KAZN: variants seen among roughly 807,000 people sequenced by gnomAD.
The protein encoded by KAZN is kazrin, periplakin interacting protein, also known as kazrin.
A neutral mutation model predicts 87.4 loss-of-function variants in KAZN; 40 were observed. The observed-to-expected ratio is 0.46, with a 90% CI of 0.36 to 0.60. The LOEUF is 0.60. Ranked by LOEUF, KAZN falls within the 20% of genes least tolerant of loss-of-function variation. The pLI is 0.00. For synonymous variants in KAZN, 466 were observed against 458.3 expected (o/e 1.02, Z -0.22); for missense variants, 898 against 1,073.9 (o/e 0.84, Z 2.29).
chr1:14,967,092 A>ACGGTGAACT (rs1664541116), intron 2 of KAZN, among the ~76,000 whole-genome samples: 1 of 152,238 alleles, frequency 6.6e-6, no homozygotes, highest in Non-Finnish European at 1.5e-5. Flanking sequence ...GGCGATGGTC[A>ACGGTGAACT]CGGTGAACTC....
At chr1:14,411,469 A>AT (rs1417741711) in intron 2 of KAZN, among the ~76,000 whole-genome samples, 7 of 152,178 alleles carry the variant, frequency 4.6e-5, no homozygotes, top group African/African-American at 1.7e-4. Context: ...TAATTTTTGT[A>AT]TTTTTTAATA....
At chr1:14,606,469 T>G (rs1677367764) in intron 1 of KAZN, among the ~76,000 whole-genome samples, 1 of 152,154 alleles carries the variant, frequency 6.6e-6, no homozygotes, top group Non-Finnish European at 1.5e-5. Flanking sequence ...CACTTATCAC[T>G]AATAAAAAGG....
chr1:15,048,817 G>A (rs1392709207), intron 4 of KAZN, among the ~76,000 whole-genome samples: 28 of 150,358 alleles, frequency 1.9e-4, no homozygotes, highest in Non-Finnish European at 1.2e-4. Context: ...GTTGGTCCTG[G>A]GTTGTTGGTG....
chr1:14,850,991 C>T (rs886783321), intron 1 of KAZN, among the ~76,000 whole-genome samples: 1 of 152,232 alleles, frequency 6.6e-6, no homozygotes, highest in African/African-American at 2.4e-5. Flanking sequence ...CCACTCTGTC[C>T]TCCAGGCCCT....
At chr1:15,086,213 C>T (rs1640247907) in intron 8 of KAZN, among the ~76,000 whole-genome samples, 1 of 152,120 alleles carries the variant, frequency 6.6e-6, no homozygotes, top group Non-Finnish European at 1.5e-5. Context: ...TCAGGTAATC[C>T]ACCTGCCTCG....
intron 1 of KAZN, among the ~76,000 whole-genome samples, chr1:14,926,162 C>T (rs990877711): frequency 6.6e-6 from 1 of 152,190 alleles, no homozygotes; most frequent in Non-Finnish European, 1.5e-5. Flanking sequence ...TTGTGGCGCT[C>T]TCTGCTCCAT....
intron 2 of KAZN, among the ~76,000 whole-genome samples, chr1:14,472,102 G>A (rs1250743063): frequency 6.6e-6 from 1 of 152,130 alleles, no homozygotes; most frequent in Non-Finnish European, 1.5e-5. Context: ...ATGGCAGAAG[G>A]GTGAACAAGA....
intron 1 of KAZN, among the ~76,000 whole-genome samples, chr1:13,942,539 T>A (rs71510952): frequency 1.1e-5 from 1 of 87,748 alleles, no homozygotes; most frequent in Non-Finnish European, 2.0e-5. Context: ...AGAGCGAGAC[T>A]CCGTCTCAAA....
chr1:14,082,767 G>A (rs1418395774), intron 1 of KAZN, among the ~76,000 whole-genome samples: 1 of 152,116 alleles, frequency 6.6e-6, no homozygotes, highest in Non-Finnish European at 1.5e-5. Flanking sequence ...CTTTGTACCT[G>A]TATTTCTCAT....
intron 2 of KAZN, among the ~76,000 whole-genome samples, chr1:14,330,790 A>G (rs1367923500): frequency 6.6e-6 from 1 of 152,240 alleles, no homozygotes; most frequent in African/African-American, 2.4e-5. Flanking sequence ...TGCTACACAC[A>G]TACATAGGAA....
chr1:14,560,725 A>T (rs1381432482), intron 2 of KAZN, among the ~76,000 whole-genome samples: 1 of 152,122 alleles, frequency 6.6e-6, no homozygotes, highest in East Asian at 1.9e-4. Context: ...GATAATGATG[A>T]TGTGAAGAAG....
At chr1:14,994,865 T>C (rs115766633) in intron 2 of KAZN, among the ~76,000 whole-genome samples, 1,642 of 152,348 alleles carry the variant, frequency 0.011, 21 homozygotes, top group African/African-American at 0.036. Flanking sequence ...AGCCAGTTCC[T>C]CTGGAGAGAA....
intron 1 of KAZN, chr1:14,924,236 G>A: frequency 1.0e-6 from 1 of 981,798 alleles, no homozygotes. Flanking sequence ...GCGCGCCGCC[G>A]GCCGGGCGGG....
At chr1:14,373,871 A>G (rs1660698847) in intron 2 of KAZN, among the ~76,000 whole-genome samples, 1 of 152,212 alleles carries the variant, frequency 6.6e-6, no homozygotes, top group Non-Finnish European at 1.5e-5. Context: ...GTAATTTGCT[A>G]GGGATTTGGT....
intron 1 of KAZN, among the ~76,000 whole-genome samples, chr1:14,665,577 G>A (rs983231492): frequency 6.6e-6 from 1 of 152,154 alleles, no homozygotes; most frequent in African/African-American, 2.4e-5. Context: ...TAGTGGCGTG[G>A]TTGAGGGCAC....
chr1:14,251,090 C>T (rs774308642), intron 2 of KAZN, among the ~76,000 whole-genome samples: 9 of 152,156 alleles, frequency 5.9e-5, no homozygotes, highest in Middle Eastern at 3.2e-3. Context: ...GGAACTGAAA[C>T]TATGTAATCT....
At chr1:14,945,011 G>A (rs1010034887) in intron 1 of KAZN, among the ~76,000 whole-genome samples, 14 of 152,172 alleles carry the variant, frequency 9.2e-5, no homozygotes, top group African/African-American at 2.4e-4. Flanking sequence ...ACAAAGTACC[G>A]CAGGGGACAG....
intron 1 of KAZN, among the ~76,000 whole-genome samples, chr1:14,170,951 A>G (rs1645942625): frequency 1.3e-5 from 2 of 152,138 alleles, no homozygotes; most frequent in Non-Finnish European, 2.9e-5. Context: ...TGACCTCGTG[A>G]TCCACCCATC....
chr1:14,366,298 T>C (rs1292554368), intron 2 of KAZN, among the ~76,000 whole-genome samples: 1 of 152,242 alleles, frequency 6.6e-6, no homozygotes, highest in African/African-American at 2.4e-5. Context: ...TCGTAGCTCA[T>C]CTTCATTGAA....
Sources: gnomAD v4.1 joint callset for allele counts (sites outside exome capture counted in the v4.1 genomes callset) on GRCh38, gnomAD v4.1.1 for gene constraint, MANE v1.5 for transcripts, NCBI Gene and HGNC (gene_info 2026-07-23, HGNC 2026-07-21) for gene names.